The following CDKAL1 variants were observed in gnomAD, a reference collection of about 807,000 sequenced individuals.
The protein encoded by CDKAL1 is CDKAL1 threonylcarbamoyladenosine tRNA methylthiotransferase.
In CDKAL1, 32 loss-of-function variants were observed where a neutral mutation model predicts 68.2. The observed-to-expected ratio is 0.47, with a 90% CI of 0.35 to 0.63. CDKAL1 has a LOEUF of 0.63. Ranked by LOEUF, CDKAL1 falls within the 30% of genes least tolerant of loss-of-function variation. The pLI, the probability that CDKAL1 is intolerant of heterozygous loss-of-function variation, is 0.00. For synonymous variants in CDKAL1, 234 were observed against 244.3 expected (o/e 0.96, Z 0.39); for missense variants, 606 against 696.7 (o/e 0.87, Z 1.47).
intron 8 of CDKAL1, among the ~76,000 whole-genome samples, chr6:20,795,797 A>G (rs933858784): frequency 6.6e-6 from 1 of 152,214 alleles, no homozygotes; most frequent in African/African-American, 2.4e-5. Flanking sequence ...AAAAGCATAT[A>G]CTACCTGAGT....
At chr6:20,607,707 T>C (rs976570397) in intron 4 of CDKAL1, among the ~76,000 whole-genome samples, 2 of 152,196 alleles carry the variant, frequency 1.3e-5, no homozygotes, top group Middle Eastern at 6.3e-3. Context: ...TTCTTTTTTT[T>C]TTCTTTTGAA....
chr6:21,167,140 A>C (rs769042113), intron 13 of CDKAL1, among the ~76,000 whole-genome samples: 1 of 152,226 alleles, frequency 6.6e-6, no homozygotes, highest in Non-Finnish European at 1.5e-5. Context: ...TTGTACATCT[A>C]TTATGGGCTA....
chr6:21,153,457 T>C (rs938863813), intron 13 of CDKAL1, among the ~76,000 whole-genome samples: 1 of 152,192 alleles, frequency 6.6e-6, no homozygotes, highest in African/African-American at 2.4e-5. Context: ...TAATATTTTA[T>C]CTTAATCATA....
chr6:21,186,669 C>T (rs1244368175), intron 13 of CDKAL1, among the ~76,000 whole-genome samples: 1 of 152,020 alleles, frequency 6.6e-6, no homozygotes, highest in Non-Finnish European at 1.5e-5. Context: ...AAAATTCCTG[C>T]CTTTACAGTT....
At chr6:21,101,093 A>G (rs1649293177) in intron 12 of CDKAL1, among the ~76,000 whole-genome samples, 1 of 152,202 alleles carries the variant, frequency 6.6e-6, no homozygotes, top group South Asian at 2.1e-4. Context: ...CTTTTATGGA[A>G]AGGAAGAGGT....
chr6:20,797,279 T>C (rs934641186), intron 8 of CDKAL1, among the ~76,000 whole-genome samples: 1 of 152,184 alleles, frequency 6.6e-6, no homozygotes, highest in African/African-American at 2.4e-5. Context: ...TTTTTCGACA[T>C]CATTAACATC....
chr6:20,808,754 A>C (rs764551366), intron 8 of CDKAL1, among the ~76,000 whole-genome samples: 1 of 152,056 alleles, frequency 6.6e-6, no homozygotes, highest in Non-Finnish European at 1.5e-5. Flanking sequence ...TATGGATGCT[A>C]TTTTGATGTA....
chr6:20,773,672 C>G (rs979514077), intron 7 of CDKAL1, among the ~76,000 whole-genome samples: 1 of 151,944 alleles, frequency 6.6e-6, no homozygotes, highest in African/African-American at 2.4e-5. Context: ...CTCAGCCTCC[C>G]GAGTAGCTGG....
chr6:20,905,298 C>A (rs1762183101), intron 9 of CDKAL1, among the ~76,000 whole-genome samples: 1 of 152,094 alleles, frequency 6.6e-6, no homozygotes, highest in African/African-American at 2.4e-5. Flanking sequence ...AATACCGTAA[C>A]TGAAATAAGA....
rs6456364 is a variant in CDKAL1, at chr6:20,649,023, A to T, written c.287-270A>T. ...AGTTTCACTTTAGTTTGTGGAAATT[A>T]TTAGATAGTACTGTCAAGCATTGAA... On this transcript the variant is annotated intron_variant, in intron 4 of 15. Transcript: ENST00000274695. Among the ~76,000 whole-genome samples the T allele has an allele frequency of 0.14, 20,943 of 152,236 alleles. 1,662 individuals carry two copies. Among genetic ancestry groups the T allele is most frequent in the East Asian group, 0.38 (1,987 of 5,176 alleles).
intron 9 of CDKAL1, among the ~76,000 whole-genome samples, chr6:20,853,487 T>C (rs1211596071): frequency 6.6e-6 from 1 of 152,086 alleles, no homozygotes; most frequent in Non-Finnish European, 1.5e-5. Flanking sequence ...AACAAATTAA[T>C]CGAGATTCTT....
chr6:20,861,055 C>T (rs1238595749), intron 9 of CDKAL1, among the ~76,000 whole-genome samples: 3 of 151,004 alleles, frequency 2.0e-5, no homozygotes, highest in African/African-American at 7.3e-5. Flanking sequence ...AGTGAAGTGA[C>T]AGGCTTCAGT....
At chr6:20,933,020 A>G (rs1763539780) in intron 9 of CDKAL1, among the ~76,000 whole-genome samples, 1 of 152,194 alleles carries the variant, frequency 6.6e-6, no homozygotes, top group East Asian at 1.9e-4. Context: ...TAATCAATGA[A>G]GGAGCCAGGA....
chr6:21,015,580 A>G lies in CDKAL1; in HGVS notation c.1055+15208A>G, dbSNP rs1160367612. Among the ~76,000 whole-genome samples the G allele has an allele frequency of 2.6e-5, 4 of 152,262 alleles. No homozygotes were observed. In the East Asian group the frequency reaches 5.8e-4, roughly 22 times the overall value. On this transcript the variant is annotated intron_variant, in intron 11 of 15. Transcript: ENST00000274695. ...CAGTTTGTTTTGACTCTTATCAACA[A>G]TTCTGCTAATTGGGTTTCTTTCTTT...
chr6:20,705,379 T>A (rs895168405), intron 5 of CDKAL1, among the ~76,000 whole-genome samples: 1 of 152,232 alleles, frequency 6.6e-6, no homozygotes, highest in African/African-American at 2.4e-5. Context: ...AAATTTTGTT[T>A]CTGGCATAAT....
At chr6:21,177,134 A>G (rs1777615726) in intron 13 of CDKAL1, among the ~76,000 whole-genome samples, 1 of 152,202 alleles carries the variant, frequency 6.6e-6, no homozygotes. Flanking sequence ...TTGGAATCAT[A>G]CTGCAATATG....
intron 9 of CDKAL1, among the ~76,000 whole-genome samples, chr6:20,891,680 A>G (rs886954406): frequency 6.6e-6 from 1 of 151,824 alleles, no homozygotes; most frequent in Admixed American, 6.6e-5. Context: ...GACTACAGGC[A>G]TGCGCCACCA....
At chr6:20,685,350 T>C (rs1401122480) in intron 5 of CDKAL1, among the ~76,000 whole-genome samples, 1 of 152,240 alleles carries the variant, frequency 6.6e-6, no homozygotes, top group Non-Finnish European at 1.5e-5. Context: ...TTCTGTTCCA[T>C]TGATCTGTTT....
intron 7 of CDKAL1, among the ~76,000 whole-genome samples, chr6:20,771,674 G>A (rs1029596791): frequency 2.6e-5 from 4 of 152,156 alleles, no homozygotes; most frequent in Admixed American, 6.5e-5. Context: ...TTGGGTCATG[G>A]GGGCGGTTCC....
Sources: allele counts gnomAD v4.1 joint callset (sites outside exome capture counted in the v4.1 genomes callset), GRCh38; gene constraint gnomAD v4.1.1; transcripts MANE v1.5; gene names NCBI Gene and HGNC (gene_info 2026-07-23, HGNC 2026-07-21).